NR1H4: variants seen among roughly 807,000 people sequenced by gnomAD.
NR1H4 encodes bile acid receptor.
A neutral mutation model predicts 58.5 loss-of-function variants in NR1H4; 23 were observed. That is an observed-to-expected ratio of 0.39 (90% confidence interval 0.28 to 0.56). The LOEUF (loss-of-function observed/expected upper bound fraction) is 0.56. Among genes scored for constraint, NR1H4 ranks in the 20% least tolerant of loss-of-function variants. The probability of loss-of-function intolerance (pLI) is 0.58; values close to 1 mark genes in which losing one functional copy is unlikely to be tolerated. For synonymous variants in NR1H4, 214 were observed against 198.0 expected (o/e 1.08, Z -0.68); for missense variants, 487 against 576.9 (o/e 0.84, Z 1.60).
At chr12:100,514,461 T>G (rs1954211959) in intron 4 of NR1H4, among the ~76,000 whole-genome samples, 1 of 152,194 alleles carries the variant, frequency 6.6e-6, no homozygotes, top group Admixed American at 6.5e-5. Flanking sequence ...ACTATTGACA[T>G]TTTAGGCTGA....
intron 1 of NR1H4, among the ~76,000 whole-genome samples, chr12:100,477,381 A>AT (rs955534099): frequency 6.6e-6 from 1 of 152,030 alleles, no homozygotes; most frequent in African/African-American, 2.4e-5. Context: ...ATTAATTTTC[A>AT]TTTTTTAATA....
chr12:100,510,167 G>A (rs972077876), intron 3 of NR1H4, among the ~76,000 whole-genome samples: 1 of 152,272 alleles, frequency 6.6e-6, no homozygotes, highest in Middle Eastern at 3.4e-3. Flanking sequence ...TGCTGCAAGT[G>A]AATATTTTTA....
At chr12:100,561,255 G>T (rs901734611) in intron 9 of NR1H4, among the ~76,000 whole-genome samples, 1 of 152,082 alleles carries the variant, frequency 6.6e-6, no homozygotes, top group Non-Finnish European at 1.5e-5. Context: ...AAAATTAGCC[G>T]GGCGCGGTGG....
chr12:100,523,627 C>T (rs930029170), intron 4 of NR1H4, among the ~76,000 whole-genome samples: 1 of 151,982 alleles, frequency 6.6e-6, no homozygotes, highest in Non-Finnish European at 1.5e-5. Context: ...CTTGATGTAC[C>T]TGGCACTCTT....
chr12:100,474,129 A>C (rs1953218226), intron 1 of NR1H4, 70 bp downstream of exon 1: 1 of 152,182 alleles, frequency 6.6e-6, no homozygotes, highest in Admixed American at 6.6e-5. Context: ...GTCACTTAAA[A>C]GTTTCTCTTT....
At chr12:100,520,036 GAGA>G (rs1302321916) in intron 4 of NR1H4, among the ~76,000 whole-genome samples, 4 of 152,142 alleles carry the variant, frequency 2.6e-5, no homozygotes, top group African/African-American at 9.7e-5. Context: ...AAAACCAGAG[GAGA>G]AGGACAGAAT....
At chr12:100,545,666 A>AAC (rs1565777502) in intron 9 of NR1H4, among the ~76,000 whole-genome samples, 4 of 145,554 alleles carry the variant, frequency 2.7e-5, no homozygotes, top group Non-Finnish European at 6.0e-5. Flanking sequence ...AAAAAAAAAA[A>AAC]AAACCAAACG....
chr12:100,511,890 C>T (rs1954127266), intron 4 of NR1H4, among the ~76,000 whole-genome samples: 1 of 151,414 alleles, frequency 6.6e-6, no homozygotes, highest in South Asian at 2.1e-4. Flanking sequence ...CCATTGCACT[C>T]CAGCCTGGGC....
chr12:100,536,364 C>A, intron 6 of NR1H4, 148 bp from the exon 7 acceptor site: 1 of 560,936 alleles, frequency 1.8e-6, no homozygotes, highest in South Asian at 2.6e-5. Flanking sequence ...AGAAATTATA[C>A]ACTCTCTTAG....
At position 100,514,001 on chromosome 12, in the gene NR1H4, G is replaced by C. The variant is rs184090903; in HGVS notation, c.445+2858G>C. On this transcript the variant is annotated intron_variant, in intron 4 of 10. Coordinates refer to ENST00000392986, the MANE Select transcript of NR1H4 (RefSeq NM_001206979.2). ...AAGAAAAAGAACAAACTTTATAGTA[G>C]CTCTAGTCAAAAAGTGGCTGGGGCT... is the stretch of plus-strand genomic sequence containing the variant. Among the ~76,000 whole-genome samples the C allele has an allele frequency of 1.3e-3, 205 of 152,338 alleles. 1 individual carries two copies. Among genetic ancestry groups the C allele is most frequent in the African/African-American group, 4.6e-3 (193 of 41,580 alleles).
At chr12:100,537,966 G>A (rs1451984647) in intron 8 of NR1H4, among the ~76,000 whole-genome samples, 15 of 152,152 alleles carry the variant, frequency 9.9e-5, no homozygotes, top group Admixed American at 9.8e-4. Flanking sequence ...TGCCCGACTT[G>A]GCCAAAGTGC....
intron 1 of NR1H4, among the ~76,000 whole-genome samples, chr12:100,480,132 T>C (rs1024010282): frequency 6.6e-6 from 1 of 152,210 alleles, no homozygotes; most frequent in African/African-American, 2.4e-5. Context: ...TAGTAGAGAA[T>C]TAATGAATAT....
intron 3 of NR1H4, among the ~76,000 whole-genome samples, chr12:100,509,311 C>A (rs1954047068): frequency 6.6e-6 from 1 of 152,174 alleles, no homozygotes; most frequent in Non-Finnish European, 1.5e-5. Context: ...TCTATTTTTT[C>A]AGCATTTGCA....
At chr12:100,516,047 A>G (rs953479838) in intron 4 of NR1H4, among the ~76,000 whole-genome samples, 6 of 152,216 alleles carry the variant, frequency 3.9e-5, no homozygotes, top group African/African-American at 1.4e-4. Flanking sequence ...TGGCGTAAAA[A>G]TCATATCCAA....
chr12:100,555,540 A>G (rs1309240207), intron 9 of NR1H4, among the ~76,000 whole-genome samples: 1 of 152,192 alleles, frequency 6.6e-6, no homozygotes, highest in Non-Finnish European at 1.5e-5. Flanking sequence ...TGAAATTAAG[A>G]TGGACTAATG....
intron 9 of NR1H4, among the ~76,000 whole-genome samples, chr12:100,558,169 G>A (rs1433695589): frequency 6.8e-6 from 1 of 146,184 alleles, no homozygotes; most frequent in Non-Finnish European, 1.5e-5. Flanking sequence ...GATCAGCTTG[G>A]CCAATATAGT....
chr12:100,535,116 C>T lies in NR1H4; in HGVS notation c.732+93C>T. 7 of 1,385,644 alleles carry T rather than the reference C, an allele frequency of 5.1e-6. No individual in the cohort carries two copies. In the South Asian group the frequency reaches 5.9e-5, roughly 12 times the overall value. 85.8% of individuals were successfully genotyped at this position (1,385,644 alleles called of 1,614,324 possible). On this transcript the variant is annotated intron_variant, in intron 6 of 10. Coordinates refer to ENST00000392986, the MANE Select transcript of NR1H4 (RefSeq NM_001206979.2). The stretch of plus-strand genomic sequence containing the variant: ...CCAGGAGGCTTTCAAATTAAAGCCA[C>T]AGGCACAGCTGAATTTCTAGTCCAA...
intron 3 of NR1H4, among the ~76,000 whole-genome samples, chr12:100,499,599 G>C (rs1196551667): frequency 1.3e-5 from 2 of 152,198 alleles, no homozygotes; most frequent in African/African-American, 4.8e-5. Flanking sequence ...GAAAAGGTGT[G>C]CAATGAGTCA....
chr12:100,545,129 T>TA (rs373773575), intron 9 of NR1H4, among the ~76,000 whole-genome samples: 8 of 151,548 alleles, frequency 5.3e-5, no homozygotes, highest in African/African-American at 9.7e-5. Context: ...CAGCTTCCTT[T>TA]AAAAAAAAAT....
Sources: allele counts gnomAD v4.1 joint callset (sites outside exome capture counted in the v4.1 genomes callset), GRCh38; gene constraint gnomAD v4.1.1; transcripts MANE v1.5; gene names NCBI Gene and HGNC (gene_info 2026-07-23, HGNC 2026-07-21).